KCNU1: variants seen among roughly 807,000 people sequenced by gnomAD.
KCNU1 encodes the protein potassium calcium-activated channel subfamily U member 1.
Under a neutral mutation model 126.8 loss-of-function variants are expected in KCNU1, and 93 were observed. The ratio of observed to expected loss-of-function variants is 0.73; its 90% CI spans 0.62 to 0.87. The LOEUF is 0.87. KCNU1 is among the 40% of genes least tolerant of loss of function. The pLI is 0.00. For missense variants in KCNU1, 1,330 were observed against 1,367.1 expected (o/e 0.97, Z 0.43); for synonymous variants, 523 against 494.2 (o/e 1.06, Z -0.77).
chr8:36,917,324 ACC>A (rs1403168588), intron 22 of KCNU1, among the ~76,000 whole-genome samples: 1 of 149,056 alleles, frequency 6.7e-6, no homozygotes, highest in African/African-American at 2.5e-5. Flanking sequence ...TTTTCATGGC[ACC>A]CTATTTTCCC....
chr8:36,836,119 A>C (rs766070228), intron 12 of KCNU1, among the ~76,000 whole-genome samples, 177 bp from the exon 13 acceptor site: 1 of 152,240 alleles, frequency 6.6e-6, no homozygotes, highest in Non-Finnish European at 1.5e-5. Flanking sequence ...GAAAACAATG[A>C]TGCTCTTCTG....
intron 10 of KCNU1, among the ~76,000 whole-genome samples, chr8:36,832,738 A>G (rs1804598731): frequency 6.6e-6 from 1 of 151,484 alleles, no homozygotes; most frequent in Non-Finnish European, 1.5e-5. Flanking sequence ...ATTGTTTCTT[A>G]TTCTTGTTTT....
rs1291923195 is a variant in KCNU1 at position 36,787,523 on chromosome 8, G to A, written c.315+98G>A. 5.4e-5 allele frequency: 66 copies of A among 1,221,860 alleles called. No individual in the cohort carries two copies. The East Asian group carries it at 1.2e-3, about 22-fold the overall frequency. 75.7% of individuals were successfully genotyped at this position (1,221,860 alleles called of 1,614,324 possible). On this transcript the variant is annotated intron_variant, in intron 2 of 26. Transcript: ENST00000399881. ...TTGATTCCCTAGGTAAACAACTGAC[G>A]TTCCTTTGGTCGTCTTATCTATAAT...
rs759631838 is a variant in KCNU1, at chr8:36,913,892, C to T, written c.2521+2773C>T. 5.9e-5 allele frequency among the ~76,000 whole-genome samples: 9 copies of T among 152,136 alleles called. 1 individual carries two copies. Among genetic ancestry groups the T allele is most frequent in the African/African-American group, 9.6e-5 (4 of 41,496 alleles). Reference sequence around the variant, plus strand: ...CTGGGATTACAGGCTTGAGCCACCACGCCTGGCCATGAGGTCACATTTTAA... The same window carrying T: ...CTGGGATTACAGGCTTGAGCCACCATGCCTGGCCATGAGGTCACATTTTAA... On this transcript the variant is annotated intron_variant, in intron 22 of 26. Coordinates refer to ENST00000399881, the MANE Select transcript of KCNU1 (RefSeq NM_001031836.3).
chr8:36,893,525 G>T (rs1807060531), intron 19 of KCNU1, among the ~76,000 whole-genome samples: 1 of 151,934 alleles, frequency 6.6e-6, no homozygotes, highest in African/African-American at 2.4e-5. Context: ...TGTGAATAAG[G>T]ATATTTAACA....
At chr8:36,790,883 C>T (rs552964908) in intron 2 of KCNU1, among the ~76,000 whole-genome samples, 1 of 151,742 alleles carries the variant, frequency 6.6e-6, no homozygotes, top group African/African-American at 2.4e-5. Context: ...CAAATAGCAA[C>T]TTTTTATATA....
intron 18 of KCNU1, among the ~76,000 whole-genome samples, chr8:36,858,889 C>T (rs190826008): frequency 2.1e-3 from 319 of 152,252 alleles, no homozygotes; most frequent in African/African-American, 7.3e-3. Flanking sequence ...TCATCATACT[C>T]TCCAGAATCT....
intron 24 of KCNU1, among the ~76,000 whole-genome samples, chr8:36,924,819 C>T (rs568086818): frequency 6.6e-6 from 1 of 152,242 alleles, no homozygotes; most frequent in South Asian, 2.1e-4. Context: ...TTCAGAGATC[C>T]TTAGATGTCA....
chr8:36,819,159 C>T (rs374159145), intron 10 of KCNU1, among the ~76,000 whole-genome samples: 5 of 151,842 alleles, frequency 3.3e-5, no homozygotes, highest in African/African-American at 1.2e-4. Flanking sequence ...ATCTATACTC[C>T]GATGCCTGCA....
chr8:36,908,976 G>A (rs1190956812), intron 20 of KCNU1, among the ~76,000 whole-genome samples: 2 of 152,192 alleles, frequency 1.3e-5, no homozygotes, highest in African/African-American at 2.4e-5. Flanking sequence ...CTAAAAATGT[G>A]AAATAAAAAT....
Position 36,827,548 on chromosome 8 carries a change from T to A in KCNU1, c.1107-6006T>A, listed in dbSNP as rs1191572441. On this transcript the variant is annotated intron_variant, in intron 10 of 26. Coordinates refer to ENST00000399881, the MANE Select transcript of KCNU1 (RefSeq NM_001031836.3). ...CTGATAACTCTTCATTGTCTGCTTA[T>A]ATAATTGATGACTTCTTAGGAGACA... is the stretch of plus-strand genomic sequence containing the variant. Among the ~76,000 whole-genome samples, 3 of 152,334 alleles carry A rather than the reference T, an allele frequency of 2.0e-5. No homozygotes were observed. In the East Asian group the frequency reaches 5.8e-4, roughly 29 times the overall value.
At chr8:36,904,620 T>C (rs7462924) in intron 19 of KCNU1, among the ~76,000 whole-genome samples, 58,645 of 151,886 alleles carry the variant, frequency 0.39, 11,454 homozygotes, top group Admixed American at 0.44. Context: ...TTAAAGTCAG[T>C]AGGAGCCATG....
At chr8:36,851,373 T>TTC (rs767473600) in intron 18 of KCNU1, among the ~76,000 whole-genome samples, 9,265 of 140,212 alleles carry the variant, frequency 0.066, 429 homozygotes, top group Middle Eastern at 0.1. Context: ...GGCACTTCCC[T>TTC]TCTCTCTCTC....
At chr8:36,852,366 T>C (rs1015581833) in intron 18 of KCNU1, among the ~76,000 whole-genome samples, 1 of 152,166 alleles carries the variant, frequency 6.6e-6, no homozygotes, top group East Asian at 1.9e-4. Context: ...TTTGCCATCA[T>C]ATGAAAACTC....
At chr8:36,911,505 G>C (rs1460240124) in intron 22 of KCNU1, among the ~76,000 whole-genome samples, 3 of 152,152 alleles carry the variant, frequency 2.0e-5, no homozygotes, top group Non-Finnish European at 4.4e-5. Flanking sequence ...GGATCTTATA[G>C]ATCTAATGCA....
chr8:36,829,230 C>A (rs887450061), intron 10 of KCNU1, among the ~76,000 whole-genome samples: 1 of 152,058 alleles, frequency 6.6e-6, no homozygotes, highest in East Asian at 1.9e-4. Flanking sequence ...TGTCTTATTG[C>A]TGAATATTAC....
chr8:36,810,227 G>A (rs1047480562), intron 7 of KCNU1, among the ~76,000 whole-genome samples: 3 of 151,168 alleles, frequency 2.0e-5, no homozygotes, highest in African/African-American at 7.3e-5. Flanking sequence ...ACTCCAGCCT[G>A]GTGACAGAGC....
intron 18 of KCNU1, among the ~76,000 whole-genome samples, chr8:36,850,710 A>G (rs1369302028): frequency 6.6e-6 from 1 of 152,100 alleles, no homozygotes. Context: ...ACCTGCCTCA[A>G]TCTCCGAAAG....
intron 18 of KCNU1, among the ~76,000 whole-genome samples, chr8:36,847,311 G>A (rs369544027): frequency 2.0e-5 from 3 of 152,006 alleles, no homozygotes; most frequent in Admixed American, 6.5e-5. Context: ...TGATCAAATC[G>A]GGGTAATTAG....
Sources: gnomAD v4.1 joint callset for allele counts (sites outside exome capture counted in the v4.1 genomes callset) on GRCh38, gnomAD v4.1.1 for gene constraint, MANE v1.5 for transcripts, NCBI Gene and HGNC (gene_info 2026-07-23, HGNC 2026-07-21) for gene names.